CCDC85C: variants seen among roughly 807,000 people sequenced by gnomAD.
CCDC85C encodes the protein coiled-coil domain-containing protein 85C.
A neutral mutation model predicts 38.3 loss-of-function variants in CCDC85C; 18 were observed. That is an observed-to-expected ratio of 0.47 (90% CI 0.33 to 0.70). CCDC85C has a LOEUF of 0.70. Among genes scored for constraint, CCDC85C ranks in the 30% least tolerant of loss-of-function variants. The pLI, the probability that CCDC85C is intolerant of heterozygous loss-of-function variation, is 0.03. For missense variants in CCDC85C, 566 were observed against 621.2 expected, an observed-to-expected ratio of 0.91 and a Z score of 0.94; for synonymous variants, 264 against 293.8, an observed-to-expected ratio of 0.90 and a Z score of 1.04.
In CCDC85C at chr14:99,572,681, C is replaced by T. The variant is rs1425124437; in HGVS notation, c.793+30486G>A. The T allele has an allele frequency of 2.2e-6, 1 of 456,068 alleles. No homozygotes were observed. The allele number at this position is 456,068 out of a possible 1,614,324, so 28.3% of individuals were successfully genotyped here. The stretch of plus-strand genomic sequence containing the variant: ...ACCTGGCCCCTCCTTAAGAGGCCTC[C>T]CCTGCCACCATCTGTTTTCTGCTCT... On this transcript the variant is annotated intron_variant, in intron 1 of 5. Transcript: ENST00000380243. The surrounding 1 kb of genome is among the most constrained non-coding windows in gnomAD (Gnocchi z 4.4).
rs745862665 is a variant in CCDC85C, at chr14:99,572,698, T to C, written c.793+30469A>G. ...GAGGCCTCCCCTGCCACCATCTGTT[T>C]TCTGCTCTTCCTAGCACTCACCAGG... On this transcript the variant is annotated intron_variant, in intron 1 of 5. Coordinates refer to ENST00000380243, the MANE Select transcript of CCDC85C (RefSeq NM_001144995.2). The surrounding 1 kb of genome is among the most constrained non-coding windows in gnomAD (Gnocchi z 4.4). 1.1e-5 allele frequency: 5 copies of C among 455,926 alleles called. No individual in the cohort carries two copies. Among genetic ancestry groups the C allele is most frequent in the Non-Finnish European group, 2.2e-5 (5 of 226,776 alleles). 28.2% of individuals were successfully genotyped at this position (455,926 alleles called of 1,614,324 possible). A position where few individuals can be genotyped will look rare whatever the true frequency, so the allele number is the denominator to read the frequency against.
At chr14:99,592,112 G>A (rs188253608) in intron 1 of CCDC85C, among the ~76,000 whole-genome samples, 31 of 152,298 alleles carry the variant, frequency 2.0e-4, no homozygotes, top group African/African-American at 5.8e-4. Flanking sequence ...GCTTCCCAGC[G>A]GAATTCCCTT....
In CCDC85C at chr14:99,542,606, G is replaced by T. The variant is rs1292716349; in HGVS notation, c.794-6518C>A. The stretch of plus-strand genomic sequence containing the variant: ...GCCTAGAGGCTCCGGGTAGCAGCCG[G>T]CCTCCTCTTCCCAGGCAGTCCTCCC... On this transcript the variant is annotated intron_variant, in intron 1 of 5. Coordinates refer to ENST00000380243, the MANE Select transcript of CCDC85C (RefSeq NM_001144995.2). Among the ~76,000 whole-genome samples, 51 of 152,172 alleles carry T rather than the reference G, an allele frequency of 3.4e-4. 1 individual carries two copies. The highest frequency in any genetic ancestry group is 2.9e-5 in the Non-Finnish European group (2 of 68,020).
chr14:99,525,678 G>A (rs930097677), intron 2 of CCDC85C, among the ~76,000 whole-genome samples: 35 of 152,350 alleles, frequency 2.3e-4, no homozygotes, highest in African/African-American at 8.2e-4. Flanking sequence ...GGCTGGGGGT[G>A]CGGGTGGAGG....
At chr14:99,582,526 T>C (rs1230698932) in intron 1 of CCDC85C, among the ~76,000 whole-genome samples, 1 of 149,144 alleles carries the variant, frequency 6.7e-6, no homozygotes, top group African/African-American at 2.5e-5. Context: ...AAAAAAAAAA[T>C]GTTAAGTCGG....
In CCDC85C at chr14:99,510,910, C is replaced by G. The variant is rs1017504356; in HGVS notation, c.*4336G>C. 9 of 827,338 alleles carry G rather than the reference C, an allele frequency of 1.1e-5. No homozygotes were observed. The highest frequency in any genetic ancestry group is 1.3e-5 in the Non-Finnish European group (8 of 604,864). 51.2% of individuals were successfully genotyped at this position (827,338 alleles called of 1,614,324 possible). A position where few individuals can be genotyped will look rare whatever the true frequency, so the allele number is the denominator to read the frequency against. ...CAGTTGCAGTATGGGAAGAATGGACCGGGCCCCTGGGATAAAATCAGAGTG... is the reference window on the plus strand; with the variant it reads ...CAGTTGCAGTATGGGAAGAATGGACGGGGCCCCTGGGATAAAATCAGAGTG... On this transcript the variant is annotated 3_prime_UTR_variant, in exon 6 of 6. Coordinates refer to ENST00000380243, the MANE Select transcript of CCDC85C (RefSeq NM_001144995.2).
In CCDC85C at chr14:99,516,258, C is replaced by T. The variant is rs557747266; in HGVS notation, c.1100G>A (p.Arg367Gln). Residue 367 changes from arginine to glutamine, a missense_variant, in exon 5 of 6, where the codon CGG becomes CAG. By Grantham distance (43) the Arg-to-Gln change is conservative. Around this residue, in one of 3 missense-constraint regions of CCDC85C, gnomAD observed 286 missense variants for 276.4 expected, o/e 1.03. Coordinates refer to ENST00000380243, the MANE Select transcript of CCDC85C (RefSeq NM_001144995.2). This position sits in a 1 kb window ranked among gnomAD's most constrained non-coding sequence, Gnocchi z 5.5. ...CTCCTCACAGCTGTCCTGGAGCTGCCGGTCCAGATTCTCGTGTACCTCCAG... is the reference window on the plus strand; with the variant it reads ...CTCCTCACAGCTGTCCTGGAGCTGCTGGTCCAGATTCTCGTGTACCTCCAG... ...KVLEVHENLD[R>Q]QLQDSCEEDL... 76 of 1,551,238 alleles carry T rather than the reference C, an allele frequency of 4.9e-5. No individual in the cohort carries two copies. The highest frequency in any genetic ancestry group is 9.5e-5 in the South Asian group (8 of 84,050).
chr14:99,578,967 C>A (rs991102799), intron 1 of CCDC85C, among the ~76,000 whole-genome samples: 1 of 152,222 alleles, frequency 6.6e-6, no homozygotes, highest in Non-Finnish European at 1.5e-5. Flanking sequence ...CCTGCTGGGG[C>A]ATGGAGGAGG....
intron 1 of CCDC85C, among the ~76,000 whole-genome samples, chr14:99,552,463 T>C (rs1309746262): frequency 6.6e-6 from 1 of 152,060 alleles, no homozygotes; most frequent in African/African-American, 2.4e-5. Flanking sequence ...GCTGGCTGAG[T>C]GTGTTGGGCA....
chr14:99,596,410 T>C (rs1350406264), intron 1 of CCDC85C, among the ~76,000 whole-genome samples: 1 of 151,942 alleles, frequency 6.6e-6, no homozygotes, highest in Non-Finnish European at 1.5e-5. Context: ...TCTACTGTAG[T>C]TAAACATGCT....
At chr14:99,521,390 G>T (rs1897301103) in intron 3 of CCDC85C, among the ~76,000 whole-genome samples, 1 of 152,252 alleles carries the variant, frequency 6.6e-6, no homozygotes, top group Non-Finnish European at 1.5e-5. Context: ...TGCACCGGGG[G>T]CCTGGGGTCA....
chr14:99,559,137 A>G (rs1898066141), intron 1 of CCDC85C, among the ~76,000 whole-genome samples: 1 of 152,120 alleles, frequency 6.6e-6, no homozygotes, highest in Non-Finnish European at 1.5e-5. Context: ...CTGTGAGCCA[A>G]TTAAACCTCT....
intron 3 of CCDC85C, among the ~76,000 whole-genome samples, chr14:99,521,700 C>A (rs1162452604): frequency 6.6e-6 from 1 of 152,192 alleles, no homozygotes; most frequent in African/African-American, 2.4e-5. Flanking sequence ...GAGCTGGCTC[C>A]AAGCCGCCCA....
chr14:99,583,559 C>A (rs895188780), intron 1 of CCDC85C, among the ~76,000 whole-genome samples: 8 of 150,178 alleles, frequency 5.3e-5, no homozygotes, highest in African/African-American at 2.0e-4. Flanking sequence ...GTTATCCCAG[C>A]ACTTTGGGAG....
rs1280065858 is a variant in CCDC85C, at chr14:99,509,811, A to G, written c.*5435T>C. 3 of 346,304 alleles carry G rather than the reference A, an allele frequency of 8.7e-6. No individual in the cohort carries two copies. Among genetic ancestry groups the G allele is most frequent in the African/African-American group, 4.3e-5 (2 of 46,810 alleles). 21.5% of individuals were successfully genotyped at this position (346,304 alleles called of 1,614,324 possible). ...ACCCCTGGGGTCAGTTTCTGAAGGC[A>G]GAAAAACAGAGGAGCCCCCACACGT... On this transcript the variant is annotated 3_prime_UTR_variant, in exon 6 of 6. Coordinates refer to ENST00000380243, the MANE Select transcript of CCDC85C (RefSeq NM_001144995.2).
At chr14:99,556,034 GAA>G (rs140612372) in intron 1 of CCDC85C, among the ~76,000 whole-genome samples, 182 of 152,356 alleles carry the variant, frequency 1.2e-3, no homozygotes, top group Non-Finnish European at 2.3e-3. Flanking sequence ...AATGCAGTTG[GAA>G]AAATGTCAAT....
chr14:99,535,916 G>T lies in CCDC85C; in HGVS notation c.867+99C>A. The T allele has an allele frequency of 1.1e-6, 1 of 879,182 alleles. No individual in the cohort carries two copies. The allele number at this position is 879,182 out of a possible 1,614,324, so 54.5% of individuals were successfully genotyped here. On this transcript the variant is annotated intron_variant, in intron 2 of 5. Transcript: ENST00000380243. This position sits in a 1 kb window ranked among gnomAD's most constrained non-coding sequence, Gnocchi z 5.5. ...CAGGTGGCAGTGGGAGCAGTTGGGGGGACAGCCTAGGTCCCAAGGGGAAGG... is the reference window on the plus strand; with the variant it reads ...CAGGTGGCAGTGGGAGCAGTTGGGGTGACAGCCTAGGTCCCAAGGGGAAGG...
At chr14:99,589,210 G>T (rs961370104) in intron 1 of CCDC85C, among the ~76,000 whole-genome samples, 2 of 150,840 alleles carry the variant, frequency 1.3e-5, no homozygotes, top group Non-Finnish European at 3.0e-5. Flanking sequence ...CCACGGCCGG[G>T]ATCAACAGAG....
At chr14:99,571,657 T>C (rs1266599101) in intron 1 of CCDC85C, among the ~76,000 whole-genome samples, 1 of 152,224 alleles carries the variant, frequency 6.6e-6, no homozygotes, top group Non-Finnish European at 1.5e-5. Context: ...TCCCCACTGT[T>C]TGCAGTAAGA....
Sources: gnomAD v4.1 joint callset for allele counts (sites outside exome capture counted in the v4.1 genomes callset) on GRCh38, gnomAD v4.1.1 for gene constraint, gnomAD v4.1.1 regional missense constraint, Gnocchi (gnomAD v3.1) non-coding constraint, MANE v1.5 for transcripts, NCBI Gene and HGNC (gene_info 2026-07-23, HGNC 2026-07-21) for gene names.